The following CAB39 variants were observed in gnomAD, a reference collection of about 807,000 sequenced individuals.
The protein encoded by CAB39 is calcium-binding protein 39.
A neutral mutation model predicts 40.0 loss-of-function variants in CAB39; 8 were observed. That is an observed-to-expected ratio of 0.20 (90% CI 0.12 to 0.36). The LOEUF is 0.36. Ranked by LOEUF, CAB39 falls within the 10% of genes least tolerant of loss-of-function variation. The pLI is 1.00. For synonymous variants in CAB39, 156 were observed against 141.6 expected (o/e 1.10, Z -0.72); for missense variants, 270 against 401.1 (o/e 0.67, Z 2.79).
At chr2:230,769,702 G>T (rs1695449603) in intron 2 of CAB39, among the ~76,000 whole-genome samples, 1 of 152,044 alleles carries the variant, frequency 6.6e-6, no homozygotes, top group Non-Finnish European at 1.5e-5. Context: ...TTTGAGGCTG[G>T]ACATAGTGGC....
chr2:230,810,953 AC>A (rs1305350882), intron 6 of CAB39, among the ~76,000 whole-genome samples: 1 of 152,004 alleles, frequency 6.6e-6, no homozygotes, highest in African/African-American at 2.4e-5. Flanking sequence ...ATTTCCCTAG[AC>A]CCGCACAACT....
intron 1 of CAB39, among the ~76,000 whole-genome samples, chr2:230,742,294 C>T (rs781526318): frequency 1.3e-5 from 2 of 152,010 alleles, no homozygotes; most frequent in African/African-American, 4.8e-5. Context: ...CCTGCCACAG[C>T]CTCCCGAGTA....
chr2:230,813,978 C>CTTGTTTTTTTTTTTTTT (rs1696351053), intron 6 of CAB39, 71 bp from the exon 7 acceptor site: 3 of 111,338 alleles, frequency 2.7e-5, no homozygotes, highest in Non-Finnish European at 4.6e-5. Context: ...ACCTACCAGT[C>CTTGTTTTTTTTTTTTTT]TTTTTTTTTT....
intron 1 of CAB39, among the ~76,000 whole-genome samples, chr2:230,748,834 ATATATATATATATATATATAT>A (rs1695033160): frequency 9.3e-5 from 5 of 53,948 alleles, no homozygotes; most frequent in African/African-American, 3.2e-4. Context: ...AAAAAAAAAT[ATATATATATATATATATATAT>A]ATATATATAT....
chr2:230,796,743 G>A (rs1038697946), intron 4 of CAB39, among the ~76,000 whole-genome samples: 1 of 151,930 alleles, frequency 6.6e-6, no homozygotes, highest in Non-Finnish European at 1.5e-5. Flanking sequence ...ATGTGGTTTG[G>A]GTTAATAAGG....
At chr2:230,749,125 A>G (rs1695041013) in intron 1 of CAB39, among the ~76,000 whole-genome samples, 1 of 151,148 alleles carries the variant, frequency 6.6e-6, no homozygotes, top group South Asian at 2.1e-4. Context: ...AATGTTTTAC[A>G]TATATTCTTA....
chr2:230,729,063 G>C (rs1180463916), intron 1 of CAB39, among the ~76,000 whole-genome samples: 3 of 152,162 alleles, frequency 2.0e-5, no homozygotes, highest in Non-Finnish European at 2.9e-5. Context: ...AATCCCCTCA[G>C]CCTGAAGAAA....
intron 1 of CAB39, among the ~76,000 whole-genome samples, chr2:230,736,676 T>G (rs1694793355): frequency 6.6e-6 from 1 of 152,164 alleles, no homozygotes; most frequent in African/African-American, 2.4e-5. Flanking sequence ...CTTAATATAC[T>G]TCTCAAATCG....
intron 2 of CAB39, among the ~76,000 whole-genome samples, chr2:230,775,974 A>G (rs1334525901): frequency 2.6e-5 from 4 of 152,368 alleles, no homozygotes; most frequent in Non-Finnish European, 5.9e-5. Context: ...TGTCAGAGAC[A>G]GATACAGAGA....
At chr2:230,767,911 T>C (rs990756807) in intron 2 of CAB39, among the ~76,000 whole-genome samples, 1 of 152,158 alleles carries the variant, frequency 6.6e-6, no homozygotes, top group Admixed American at 6.5e-5. Flanking sequence ...AAGTCTTTGC[T>C]CAAGTGCCAT....
At chr2:230,774,857 T>C (rs956513031) in intron 2 of CAB39, among the ~76,000 whole-genome samples, 2 of 152,032 alleles carry the variant, frequency 1.3e-5, no homozygotes, top group African/African-American at 4.8e-5. Flanking sequence ...ACATTTTCTT[T>C]AGTAAAGAGG....
At chr2:230,772,982 TA>T (rs10713369) in intron 2 of CAB39, among the ~76,000 whole-genome samples, 73,242 of 114,436 alleles carry the variant, frequency 0.64, 25,357 homozygotes, top group East Asian at 0.85. Context: ...TACTCAGCAA[TA>T]AAAAAAAAAA....
At chr2:230,795,315 A>C (rs1038196698) in intron 4 of CAB39, among the ~76,000 whole-genome samples, 1 of 151,596 alleles carries the variant, frequency 6.6e-6, no homozygotes, top group African/African-American at 2.4e-5. Flanking sequence ...CCACAAACTG[A>C]ATTTGGTTAA....
In CAB39 at chr2:230,744,240, G is replaced by A. The variant is rs563048929; in HGVS notation, c.-43-15719G>A. On this transcript the variant is annotated intron_variant, in intron 1 of 8. Coordinates refer to ENST00000258418, the MANE Select transcript of CAB39 (RefSeq NM_016289.4). ...AGCCCCATGATACATTCTTAACTTC[G>A]AAGAGCTACTTAGTTATGGTCAGTT... Among the ~76,000 whole-genome samples the A allele has an allele frequency of 2.7e-5, 4 of 150,302 alleles. No homozygotes were observed. The East Asian group carries it at 6.1e-4, about 23-fold the overall frequency.
intron 6 of CAB39, among the ~76,000 whole-genome samples, chr2:230,811,726 A>G (rs1396279198): frequency 1.3e-5 from 2 of 152,252 alleles, no homozygotes; most frequent in African/African-American, 4.8e-5. Flanking sequence ...TGTGACGTGC[A>G]TGGCACAGTG....
intron 1 of CAB39, 65 bp downstream of exon 1, chr2:230,713,295 T>C (rs1694283708): frequency 6.6e-6 from 1 of 152,246 alleles, no homozygotes; most frequent in Admixed American, 6.5e-5. Flanking sequence ...CCTGCCCCGC[T>C]GGGCCCTCAC....
chr2:230,805,992 A>G, intron 5 of CAB39, among the ~76,000 whole-genome samples: 1 of 152,244 alleles, frequency 6.6e-6, no homozygotes, highest in East Asian at 1.9e-4. Context: ...CCTAAAACTT[A>G]GAAAGGTCAG....
chr2:230,775,307 C>T (rs1455164285), intron 2 of CAB39, among the ~76,000 whole-genome samples: 1 of 145,892 alleles, frequency 6.9e-6, no homozygotes, highest in Non-Finnish European at 1.5e-5. Context: ...GTGATCTCGG[C>T]TCACCGCAAC....
At chr2:230,753,298 T>A (rs762617915) in intron 1 of CAB39, among the ~76,000 whole-genome samples, 13 of 152,276 alleles carry the variant, frequency 8.5e-5, no homozygotes, top group Admixed American at 3.3e-4. Flanking sequence ...ACCACCACTT[T>A]GGGATTCAAG....
Sources: gnomAD v4.1 joint callset for allele counts (sites outside exome capture counted in the v4.1 genomes callset) on GRCh38, gnomAD v4.1.1 for gene constraint, MANE v1.5 for transcripts, NCBI Gene and HGNC (gene_info 2026-07-23, HGNC 2026-07-21) for gene names.